Variants in FOXP1 observed in about 807,000 individuals in gnomAD.
FOXP1 encodes forkhead box P1, also known as forkhead box protein P1.
Under a neutral mutation model 98.2 loss-of-function variants are expected in FOXP1, and 15 were observed. The ratio of observed to expected loss-of-function variants is 0.15; its 90% CI spans 0.10 to 0.24. The LOEUF is 0.24. FOXP1 is among the 10% of genes least tolerant of loss of function. FOXP1 has a pLI of 1.00. For synonymous variants in FOXP1, 371 were observed against 314.5 expected, an observed-to-expected ratio of 1.18 and a Z score of -1.90; for missense variants, 633 against 848.5, an observed-to-expected ratio of 0.75 and a Z score of 3.15.
At chr3:71,045,422 G>C (rs1477970772) in intron 10 of FOXP1, among the ~76,000 whole-genome samples, 1 of 152,138 alleles carries the variant, frequency 6.6e-6, no homozygotes, top group African/African-American at 2.4e-5. Flanking sequence ...TGATGAGAGA[G>C]GTTGGAGCTC....
At chr3:71,222,984 G>A (rs1195336622) in intron 5 of FOXP1, among the ~76,000 whole-genome samples, 1 of 152,060 alleles carries the variant, frequency 6.6e-6, no homozygotes, top group Non-Finnish European at 1.5e-5. Flanking sequence ...CTTATATATT[G>A]AATAAATTTT....
intron 6 of FOXP1, among the ~76,000 whole-genome samples, chr3:71,167,504 T>C (rs2061447638): frequency 6.6e-6 from 1 of 151,418 alleles, no homozygotes; most frequent in South Asian, 2.1e-4. Context: ...TATTGATTAT[T>C]ATTATTTGGT....
chr3:71,264,560 T>C (rs570948301), intron 5 of FOXP1, among the ~76,000 whole-genome samples: 2 of 152,288 alleles, frequency 1.3e-5, no homozygotes, highest in South Asian at 4.1e-4. Flanking sequence ...CTTGGAGGGA[T>C]CTGATTAGAT....
chr3:71,426,790 C>T (rs986552055), intron 3 of FOXP1, among the ~76,000 whole-genome samples: 67 of 152,270 alleles, frequency 4.4e-4, no homozygotes, highest in Non-Finnish European at 2.8e-4. Flanking sequence ...CAGCCAGGCG[C>T]GGTGGCTCAC....
intron 2 of FOXP1, chr3:71,543,274 T>C (rs571641160): frequency 2.0e-5 from 3 of 152,334 alleles, no homozygotes; most frequent in East Asian, 1.9e-4. Flanking sequence ...TTTGCGGCTG[T>C]TAAAAAACCA....
At chr3:71,233,641 C>T (rs2066524158) in intron 5 of FOXP1, among the ~76,000 whole-genome samples, 1 of 145,136 alleles carries the variant, frequency 6.9e-6, no homozygotes, top group South Asian at 2.2e-4. Context: ...AGGGTTTCAC[C>T]ATATTGGCCA....
At chr3:71,264,894 A>G (rs1054709194) in intron 5 of FOXP1, among the ~76,000 whole-genome samples, 21 of 152,224 alleles carry the variant, frequency 1.4e-4, no homozygotes, top group Admixed American at 5.2e-4. Context: ...AAAAATGGGT[A>G]CCATTTCCCC....
intron 3 of FOXP1, among the ~76,000 whole-genome samples, chr3:71,414,723 T>C (rs1411912146): frequency 6.6e-6 from 1 of 152,186 alleles, no homozygotes; most frequent in African/African-American, 2.4e-5. Context: ...CTTAGGAGCC[T>C]TGCTGGGAAA....
chr3:71,417,182 T>C (rs1370038339), intron 3 of FOXP1, among the ~76,000 whole-genome samples: 2 of 152,118 alleles, frequency 1.3e-5, no homozygotes, highest in South Asian at 2.1e-4. Context: ...TGAAGTCAAA[T>C]GGTACAGACT....
chr3:71,057,809 G>A (rs141223377), intron 7 of FOXP1, among the ~76,000 whole-genome samples: 68 of 152,226 alleles, frequency 4.5e-4, no homozygotes, highest in African/African-American at 1.4e-3. Flanking sequence ...CCAAACCTGC[G>A]GGAATGGCAG....
intron 3 of FOXP1, among the ~76,000 whole-genome samples, chr3:71,421,793 A>C (rs2083672587): frequency 6.6e-6 from 1 of 152,172 alleles, no homozygotes; most frequent in South Asian, 2.1e-4. Context: ...ACTTACTCTT[A>C]AAACCATCAC....
intron 2 of FOXP1, among the ~76,000 whole-genome samples, chr3:71,543,272 T>G (rs766327072): frequency 2.6e-4 from 39 of 152,352 alleles, no homozygotes; most frequent in South Asian, 1.7e-3. Flanking sequence ...GCTTTGCGGC[T>G]GTTAAAAAAC....
intron 3 of FOXP1, among the ~76,000 whole-genome samples, chr3:71,368,816 C>G (rs944403441): frequency 2.6e-5 from 4 of 152,150 alleles, no homozygotes; most frequent in African/African-American, 9.7e-5. Context: ...CTCCCTGTTC[C>G]TCTTCCCCAC....
chr3:71,086,778 G>A (rs1017472338), intron 7 of FOXP1, among the ~76,000 whole-genome samples: 8 of 152,156 alleles, frequency 5.3e-5, no homozygotes, highest in African/African-American at 9.7e-5. Flanking sequence ...AATTAAAAGC[G>A]ATTTGCTTGA....
chr3:71,201,021 A>G (rs2063640300), intron 5 of FOXP1, among the ~76,000 whole-genome samples: 1 of 152,222 alleles, frequency 6.6e-6, no homozygotes, highest in Non-Finnish European at 1.5e-5. Context: ...ATTTTTCACT[A>G]GCAGGTGGGA....
chr3:70,995,273 C>A (rs1198225602), intron 13 of FOXP1, among the ~76,000 whole-genome samples: 1 of 152,196 alleles, frequency 6.6e-6, no homozygotes, highest in African/African-American at 2.4e-5. Context: ...TGTTTCCTTA[C>A]AATCCTGGCC....
chr3:71,533,596 C>T (rs1305733636), intron 2 of FOXP1, among the ~76,000 whole-genome samples: 1 of 152,102 alleles, frequency 6.6e-6, no homozygotes, highest in Non-Finnish European at 1.5e-5. Flanking sequence ...GGAAAATTGG[C>T]GTCCCCAACC....
intron 3 of FOXP1, among the ~76,000 whole-genome samples, chr3:71,440,509 C>G (rs532047662): frequency 1.3e-5 from 2 of 152,176 alleles, no homozygotes; most frequent in South Asian, 4.2e-4. Context: ...AACCCCGTCT[C>G]TACTAAAAAT....
At chr3:71,527,164 G>A (rs892849672) in intron 2 of FOXP1, among the ~76,000 whole-genome samples, 1 of 152,138 alleles carries the variant, frequency 6.6e-6, no homozygotes, top group African/African-American at 2.4e-5. Context: ...AGCCAGGCAA[G>A]CTTGTACAGT....
Sources: allele counts gnomAD v4.1 joint callset (sites outside exome capture counted in the v4.1 genomes callset), GRCh38; gene constraint gnomAD v4.1.1; transcripts MANE v1.5; gene names NCBI Gene and HGNC (gene_info 2026-07-23, HGNC 2026-07-21).